Variants in TOX2 observed in about 807,000 individuals in gnomAD.
TOX2 encodes granulosa cell HMG box 1.
In TOX2, 15 loss-of-function variants were observed where a neutral mutation model predicts 47.4. That is an observed-to-expected ratio of 0.32 (90% CI 0.21 to 0.49). TOX2 has a LOEUF of 0.49. Ranked by LOEUF, TOX2 falls within the 20% of genes least tolerant of loss-of-function variation. The pLI is 0.99. For missense variants in TOX2, 622 were observed against 673.1 expected (o/e 0.92, Z 0.84); for synonymous variants, 290 against 296.6 (o/e 0.98, Z 0.23).
intron 3 of TOX2, among the ~76,000 whole-genome samples, chr20:44,024,154 A>G (rs938486045): frequency 6.6e-6 from 1 of 152,222 alleles, no homozygotes. Flanking sequence ...ATTGAGCTCT[A>G]TACGGTTATT....
At chr20:44,009,646 G>A (rs181183539) in intron 3 of TOX2, among the ~76,000 whole-genome samples, 6 of 152,276 alleles carry the variant, frequency 3.9e-5, no homozygotes, top group Admixed American at 1.3e-4. Flanking sequence ...CATGCTTAGC[G>A]TTTCAGTAAT....
chr20:43,971,770 C>T (rs944332156), intron 1 of TOX2, among the ~76,000 whole-genome samples: 1 of 152,110 alleles, frequency 6.6e-6, no homozygotes, highest in African/African-American at 2.4e-5. Flanking sequence ...GAAAAAAGAA[C>T]TATGTTCTGA....
intron 2 of TOX2, among the ~76,000 whole-genome samples, chr20:43,989,181 G>A (rs1269498683): frequency 1.3e-5 from 2 of 152,154 alleles, no homozygotes; most frequent in Admixed American, 1.3e-4. Context: ...ATCCCTACTT[G>A]ATTTGTGTGC....
rs149984189 is a variant in TOX2 at position 43,921,783 on chromosome 20, C to T, written c.99+6793C>T. 1.5e-3 allele frequency among the ~76,000 whole-genome samples: 222 copies of T among 152,190 alleles called. 1 individual carries two copies. The highest frequency in any genetic ancestry group is 7.7e-3 in the South Asian group (37 of 4,816). On this transcript the variant is annotated intron_variant, in intron 1 of 8. Coordinates refer to ENST00000341197, the MANE Select transcript of TOX2 (RefSeq NM_001098797.2). The stretch of plus-strand genomic sequence containing the variant: ...AAATGATCCTTCTGCTTTGGCCTCT[C>T]GAAGCGCTGGGACTGCAGGCATGAG...
In TOX2 at chr20:44,069,018, C is replaced by A; in HGVS notation, c.*332C>A. On this transcript the variant is annotated 3_prime_UTR_variant, in exon 9 of 9. Coordinates refer to ENST00000341197, the MANE Select transcript of TOX2 (RefSeq NM_001098797.2). Reference sequence around the variant, plus strand: ...AGCTCCAGCCCCAGCCCAGGTGGGCCGCCCCTGGCGGGGTCGCTTACCAAC... The same window carrying A: ...AGCTCCAGCCCCAGCCCAGGTGGGCAGCCCCTGGCGGGGTCGCTTACCAAC... The A allele has an allele frequency of 2.2e-6, 1 of 455,582 alleles. No homozygotes were observed. The allele number at this position is 455,582 out of a possible 1,614,324, so 28.2% of individuals were successfully genotyped here.
At chr20:44,053,613 TACAC>T (rs962168889) in intron 4 of TOX2, among the ~76,000 whole-genome samples, 2 of 146,768 alleles carry the variant, frequency 1.4e-5, no homozygotes, top group Admixed American at 7.0e-5. Context: ...TATATACATA[TACAC>T]ACACACACAC....
intron 3 of TOX2, among the ~76,000 whole-genome samples, chr20:44,021,568 C>A (rs992184978): frequency 1.1e-4 from 17 of 152,172 alleles, no homozygotes; most frequent in Non-Finnish European, 2.2e-4. Context: ...GCTTCTGTAT[C>A]CCTCCTCTGA....
chr20:43,925,621 A>T (rs977288688), intron 1 of TOX2, among the ~76,000 whole-genome samples: 5 of 152,208 alleles, frequency 3.3e-5, no homozygotes, highest in Non-Finnish European at 7.3e-5. Flanking sequence ...GTCCCAGCGC[A>T]GGCTTCCTCT....
intron 1 of TOX2, among the ~76,000 whole-genome samples, chr20:43,917,056 C>T (rs1411354241): frequency 2.1e-5 from 3 of 141,616 alleles, no homozygotes; most frequent in Non-Finnish European, 3.1e-5. Context: ...CAGAGTGGGG[C>T]GGGGCAGGGA....
At chr20:44,055,077 G>A (rs1569141774) in intron 5 of TOX2, among the ~76,000 whole-genome samples, 1 of 152,176 alleles carries the variant, frequency 6.6e-6, no homozygotes, top group Admixed American at 6.5e-5. Flanking sequence ...CCCCCGGTAT[G>A]TCACTGAATC....
chr20:44,024,327 T>C (rs928519611), intron 3 of TOX2, among the ~76,000 whole-genome samples: 2 of 152,226 alleles, frequency 1.3e-5, no homozygotes, highest in Admixed American at 6.5e-5. Flanking sequence ...ATCTACATTG[T>C]TTTATTCATT....
intron 5 of TOX2, among the ~76,000 whole-genome samples, chr20:44,063,673 A>C (rs954632495): frequency 5.9e-5 from 9 of 152,164 alleles, no homozygotes; most frequent in African/African-American, 1.9e-4. Flanking sequence ...CCCAATTTGC[A>C]ATTGCAAAAA....
At chr20:44,029,222 T>C (rs6103572) in intron 3 of TOX2, among the ~76,000 whole-genome samples, 106,182 of 151,772 alleles carry the variant, frequency 0.7, 37,505 homozygotes, top group Middle Eastern at 0.8. Flanking sequence ...TCCCTCTCAA[T>C]TCTTCACAAA....
At chr20:43,959,967 G>A (rs1175465128) in intron 1 of TOX2, among the ~76,000 whole-genome samples, 1 of 152,130 alleles carries the variant, frequency 6.6e-6, no homozygotes, top group East Asian at 1.9e-4. Flanking sequence ...CTCTGGAGTT[G>A]AACTTCCTGG....
chr20:44,017,254 C>G (rs1335707777), intron 3 of TOX2, among the ~76,000 whole-genome samples: 1 of 152,224 alleles, frequency 6.6e-6, no homozygotes, highest in East Asian at 1.9e-4. Flanking sequence ...CCTGCACCCG[C>G]CTGGCTGAGT....
chr20:44,005,554 C>A lies in TOX2; in HGVS notation c.166-993C>A, dbSNP rs539847971. Among the ~76,000 whole-genome samples the A allele has an allele frequency of 2.8e-4, 42 of 152,292 alleles. No individual in the cohort carries two copies. The South Asian group carries it at 8.3e-3, about 30-fold the overall frequency. On this transcript the variant is annotated intron_variant, in intron 2 of 8. Coordinates refer to ENST00000341197, the MANE Select transcript of TOX2 (RefSeq NM_001098797.2). The stretch of plus-strand genomic sequence containing the variant: ...AAACAAAACATCAGCCAACAAAACC[C>A]AACAATCTATAGAAAGAATAATATG...
At chr20:43,929,863 C>T (rs572071138) in intron 1 of TOX2, among the ~76,000 whole-genome samples, 1 of 152,238 alleles carries the variant, frequency 6.6e-6, no homozygotes, top group East Asian at 1.9e-4. Flanking sequence ...GAACACACCA[C>T]CATGCCCGGC....
At chr20:43,948,588 T>C (rs1471443549) in intron 1 of TOX2, among the ~76,000 whole-genome samples, 3 of 152,078 alleles carry the variant, frequency 2.0e-5, no homozygotes, top group African/African-American at 7.3e-5. Context: ...GGGGGTCTGC[T>C]GGGGCAGCCT....
intron 2 of TOX2, among the ~76,000 whole-genome samples, chr20:43,982,981 C>T (rs2070194242): frequency 6.6e-6 from 1 of 151,906 alleles, no homozygotes; most frequent in South Asian, 2.1e-4. Context: ...GGGAATGACA[C>T]TGCACAATTG....
Sources: gnomAD v4.1 joint callset for allele counts (sites outside exome capture counted in the v4.1 genomes callset) on GRCh38, gnomAD v4.1.1 for gene constraint, MANE v1.5 for transcripts, NCBI Gene and HGNC (gene_info 2026-07-23, HGNC 2026-07-21) for gene names.